The following LINS1 variants were observed in gnomAD, a reference collection of about 807,000 sequenced individuals.
LINS1 encodes the protein protein Lines homolog 1.
LINS1 carries 27 observed loss-of-function variants against 41.6 expected under a neutral mutation model. That is an observed-to-expected ratio of 0.65 (90% CI 0.48 to 0.89). The LOEUF (loss-of-function observed/expected upper bound fraction) is 0.89, where lower values mean the gene tolerates loss of function less well. Among genes scored for constraint, LINS1 ranks in the 40% least tolerant of loss-of-function variants. The pLI is 0.00. For missense variants in LINS1, 955 were observed against 884.1 expected (o/e 1.08, Z -1.02); for synonymous variants, 336 against 312.9 (o/e 1.07, Z -0.78).
chr15:100,592,007 A>G (rs1486090060), intron 1 of LINS1, among the ~76,000 whole-genome samples: 1 of 152,218 alleles, frequency 6.6e-6, no homozygotes, highest in African/African-American at 2.4e-5. Context: ...TCAAATGGAA[A>G]CACTTCATCT....
intron 1 of LINS1, among the ~76,000 whole-genome samples, chr15:100,581,622 A>T (rs1350228065): frequency 6.6e-6 from 1 of 152,230 alleles, no homozygotes; most frequent in East Asian, 1.9e-4. Context: ...GGACTTTGGC[A>T]TAGGCAAAAG....
At position 100,567,810 on chromosome 15, in the gene LINS1, A is replaced by G. The variant is rs1380051494; in HGVS notation, c.*1428T>C. ...ACCTTTGCATTGCTATTTGGCTAAC[A>G]CTGGTACTTCGCTGTTATTTTAATC... is the stretch of plus-strand genomic sequence containing the variant. On this transcript the variant is annotated 3_prime_UTR_variant, in exon 7 of 7. Transcript: ENST00000314742. The G allele has an allele frequency of 1.3e-5, 2 of 152,204 alleles. No homozygotes were observed. The highest frequency in any genetic ancestry group is 1.3e-4 in the Admixed American group (2 of 15,278). The allele number at this position is 152,204 out of a possible 1,614,324, so 9.4% of individuals were successfully genotyped here.
At chr15:100,599,965 C>A (rs1203066641) in intron 1 of LINS1, among the ~76,000 whole-genome samples, 4 of 152,124 alleles carry the variant, frequency 2.6e-5, no homozygotes, top group Admixed American at 2.6e-4. Flanking sequence ...ACTCAGGAGG[C>A]TGGGACAGGA....
At chr15:100,575,303 G>T (rs2038100295) in intron 3 of LINS1, among the ~76,000 whole-genome samples, 175 bp from the exon 4 acceptor site, 1 of 151,634 alleles carries the variant, frequency 6.6e-6, no homozygotes, top group African/African-American at 2.4e-5. Flanking sequence ...ATATGCCACA[G>T]AAATAAAATA....
At chr15:100,572,086 A>G (rs767771484) in intron 5 of LINS1, 21 bp from the exon 6 acceptor site, 44 of 1,613,804 alleles carry the variant, frequency 2.7e-5, no homozygotes, top group Non-Finnish European at 3.6e-5. Flanking sequence ...TGAAAATTTC[A>G]AAGTGTAGGC....
In LINS1 at chr15:100,587,572, T is replaced by C. The variant is rs1253963024; in HGVS notation, c.-103-6627A>G. On this transcript the variant is annotated intron_variant, in intron 1 of 6. Coordinates refer to ENST00000314742, the MANE Select transcript of LINS1 (RefSeq NM_001040616.3). ...CCTCTGGGCTTTGCTCGTGTATGCA[T>C]ATATATAAAACCATGATTTTTTTAA... 2.0e-5 allele frequency among the ~76,000 whole-genome samples: 3 copies of C among 152,196 alleles called. No individual in the cohort carries two copies. In the East Asian group the frequency reaches 5.8e-4, roughly 29 times the overall value.
At chr15:100,579,042 G>A (rs923228559) in intron 3 of LINS1, among the ~76,000 whole-genome samples, 2 of 152,026 alleles carry the variant, frequency 1.3e-5, no homozygotes, top group Non-Finnish European at 2.9e-5. Flanking sequence ...GGGGGAGGGG[G>A]AAGGGATAGC....
intron 1 of LINS1, among the ~76,000 whole-genome samples, chr15:100,600,203 G>A (rs908548591): frequency 1.6e-4 from 24 of 152,182 alleles, no homozygotes; most frequent in African/African-American, 5.5e-4. Flanking sequence ...GGCTGAAAAC[G>A]GTTGAAGAAG....
intron 1 of LINS1, among the ~76,000 whole-genome samples, chr15:100,589,765 T>C (rs936974471): frequency 6.6e-6 from 1 of 152,224 alleles, no homozygotes; most frequent in Admixed American, 6.5e-5. Flanking sequence ...ATTTAAGGGA[T>C]TTTATTCAAT....
chr15:100,570,087 C>G lies in LINS1; in HGVS notation c.1425G>C (p.Gln475His), dbSNP rs747447016. The G allele has an allele frequency of 1.1e-5, 18 of 1,585,834 alleles. No individual in the cohort carries two copies. Among genetic ancestry groups the G allele is most frequent in the Non-Finnish European group, 1.5e-5 (18 of 1,174,388 alleles). The change falls in exon 7 of 7, where the codon CAG (glutamine) becomes CAC (histidine). Residue 475 changes from glutamine to histidine, a missense_variant. Gln to His is a conservative substitution (Grantham distance 24). Coordinates refer to ENST00000314742, the MANE Select transcript of LINS1 (RefSeq NM_001040616.3). ...RGCEATESLT[Q>H]GKEMWDHHTH... ...TGTGATGGTCCCACATTTCTTTTCC[C>G]TGAGTCAAGCTTTCAGTGGCTTCAC...
chr15:100,569,572 C>G lies in LINS1; in HGVS notation c.1940G>C (p.Ser647Thr), dbSNP rs150317593. 8.7e-6 allele frequency: 14 copies of G among 1,613,952 alleles called. No homozygotes were observed. Among genetic ancestry groups the G allele is most frequent in the Non-Finnish European group, 1.1e-5 (13 of 1,179,938 alleles). Reference sequence around the variant, plus strand: ...TTGCTGGTGTAAAGATGTCTGTTTACTGTTAGCTAAACACTGCTCTGTGGA... The same window carrying G: ...TTGCTGGTGTAAAGATGTCTGTTTAGTGTTAGCTAAACACTGCTCTGTGGA... ...VESTEQCLAN[S>T]KQTSLHQQAT... Residue 647 changes from serine (S) to threonine (T), a missense_variant, in exon 7 of 7, where the codon AGT (serine) becomes ACT (threonine). Coordinates refer to ENST00000314742, the MANE Select transcript of LINS1 (RefSeq NM_001040616.3).
In LINS1 at chr15:100,573,857, T is replaced by C; in HGVS notation, c.1016A>G (p.Asn339Ser). The change falls in exon 5 of 7, where the codon AAT becomes AGT. Residue 339 changes from asparagine (N) to serine (S), a missense_variant. Transcript: ENST00000314742. Reference sequence around the variant, plus strand: ...CGAATTCACAGCTTGCAAAACAGCATTAGCTAAAGCCAGCATGTCCACCGC... The same window carrying C: ...CGAATTCACAGCTTGCAAAACAGCACTAGCTAAAGCCAGCATGTCCACCGC... ...HVAVDMLALA[N>S]AVLQAVNSGL... is the part of the protein sequence containing the mutation. The C allele has an allele frequency of 6.2e-7, 1 of 1,614,230 alleles. No individual in the cohort carries two copies. The highest frequency in any genetic ancestry group is 8.5e-7 in the Non-Finnish European group (1 of 1,180,040).
In LINS1 at chr15:100,569,443, G is replaced by T. The variant is rs750575760; in HGVS notation, c.2069C>A (p.Ala690Asp). The change falls in exon 7 of 7, where the codon GCC becomes GAC. Residue 690 changes from alanine to aspartate, a missense_variant. Ala to Asp is a moderately radical substitution (Grantham distance 126, BLOSUM62 -2). Transcript: ENST00000314742. ...GGCTACTTCACAATCAAAGGAGAAG[G>T]CAGTATCAAATTCTTTCAGAACCAG... ...RPLVLKEFDT[A>D]FSFDCEVAPN... 1.2e-6 allele frequency: 2 copies of T among 1,614,054 alleles called. No individual in the cohort carries two copies. Among genetic ancestry groups the T allele is most frequent in the South Asian group, 2.2e-5 (2 of 91,084 alleles).
At position 100,569,396 on chromosome 15, in the gene LINS1, C is replaced by A. The variant is rs1183627160; in HGVS notation, c.2116G>T (p.Val706Leu). The change falls in exon 7 of 7, where the codon GTG becomes TTG. Residue 706 changes from valine (V) to leucine (L), a missense_variant. Physicochemically the swap from Val to Leu is conservative, Grantham distance 32 (BLOSUM62 1). Transcript: ENST00000314742. ...EVAPNDVVSE[V>L]GIFYRIVKCF... is the part of the protein sequence containing the mutation. ...TTTACTATTCTGTAAAATATTCCCACTTCAGAGACGACATCATTTGGGGCT... is the reference window on the plus strand; with the variant it reads ...TTTACTATTCTGTAAAATATTCCCAATTCAGAGACGACATCATTTGGGGCT... 3.6e-5 allele frequency: 58 copies of A among 1,614,044 alleles called. No homozygotes were observed. The highest frequency in any genetic ancestry group is 4.8e-5 in the Non-Finnish European group (57 of 1,180,040).
Position 100,572,059 on chromosome 15 carries a change from A to G in LINS1, c.1229T>C (p.Leu410Ser). Residue 410 changes from leucine to serine, a missense_variant, in exon 6 of 7, where the codon TTA becomes TCA. Coordinates refer to ENST00000314742, the MANE Select transcript of LINS1 (RefSeq NM_001040616.3). ...YSSASEVKVD[L>S]QRFMSELLTF... is the part of the protein sequence containing the mutation. ...CAGTAACTCAGACATGAACCTCTGT[A>G]AGTCAACTTCAAAAAATGAAAATTT... is the stretch of plus-strand genomic sequence containing the variant. 1 of 1,614,224 alleles carries G rather than the reference A, an allele frequency of 6.2e-7. No individual in the cohort carries two copies.
At chr15:100,582,363 T>C (rs1367183929) in intron 1 of LINS1, among the ~76,000 whole-genome samples, 1 of 139,916 alleles carries the variant, frequency 7.1e-6, no homozygotes, top group Non-Finnish European at 1.5e-5. Flanking sequence ...CATGGCCCAC[T>C]AGCCTAGTCT....
In LINS1 at chr15:100,569,234, T is replaced by C. The variant is rs901445341; in HGVS notation, c.*4A>G. On this transcript the variant is annotated 3_prime_UTR_variant, in exon 7 of 7. Transcript: ENST00000314742. ...CAATACCTGGAAAATAAAATGTCAATGTTTTACAAAGTGTTCATAGTTTTA... is the reference window on the plus strand; with the variant it reads ...CAATACCTGGAAAATAAAATGTCAACGTTTTACAAAGTGTTCATAGTTTTA... 1.2e-5 allele frequency: 18 copies of C among 1,557,796 alleles called. No individual in the cohort carries two copies. In the African/African-American group the frequency reaches 2.3e-4, roughly 20 times the overall value.
At position 100,569,399 on chromosome 15, in the gene LINS1, C is replaced by T; in HGVS notation, c.2113G>A (p.Glu705Lys). 4 of 1,614,170 alleles carry T rather than the reference C, an allele frequency of 2.5e-6. No individual in the cohort carries two copies. The highest frequency in any genetic ancestry group is 3.4e-6 in the Non-Finnish European group (4 of 1,180,036). Residue 705 changes from glutamate to lysine, a missense_variant, in exon 7 of 7, where the codon GAA becomes AAA. Coordinates refer to ENST00000314742, the MANE Select transcript of LINS1 (RefSeq NM_001040616.3). ...CEVAPNDVVS[E>K]VGIFYRIVKC... ...ACTATTCTGTAAAATATTCCCACTTCAGAGACGACATCATTTGGGGCTACT... is the reference window on the plus strand; with the variant it reads ...ACTATTCTGTAAAATATTCCCACTTTAGAGACGACATCATTTGGGGCTACT...
intron 1 of LINS1, among the ~76,000 whole-genome samples, chr15:100,592,905 T>G (rs1223189466): frequency 6.6e-6 from 1 of 152,250 alleles, no homozygotes; most frequent in Non-Finnish European, 1.5e-5. Flanking sequence ...AAAATAAATG[T>G]CCGTGGGTAG....
Sources: gnomAD v4.1 joint callset for allele counts (sites outside exome capture counted in the v4.1 genomes callset) on GRCh38, gnomAD v4.1.1 for gene constraint, MANE v1.5 for transcripts, NCBI Gene and HGNC (gene_info 2026-07-23, HGNC 2026-07-21) for gene names.